IL15RA: variants seen among roughly 807,000 people sequenced by gnomAD.
IL15RA encodes the protein interleukin-15 receptor subunit alpha.
IL15RA carries 26 observed loss-of-function variants against 24.2 expected under a neutral mutation model. That is an observed-to-expected ratio of 1.07 (90% CI 0.79 to 1.49). The LOEUF is 1.49. Ranked by LOEUF, IL15RA falls within the 40% of genes most tolerant of loss-of-function variation. The pLI is 0.00. For missense variants in IL15RA, 354 were observed against 356.4 expected (o/e 0.99, Z 0.05); for synonymous variants, 166 against 157.6 (o/e 1.05, Z -0.40).
intron 1 of IL15RA, chr10:5,969,054 A>G: frequency 8.0e-7 from 1 of 1,249,366 alleles, no homozygotes; most frequent in Non-Finnish European, 1.1e-6. Flanking sequence ...CTGACTCACC[A>G]ATCGATTCCA....
At position 5,965,430 on chromosome 10, in the gene IL15RA, G is replaced by A. The variant is rs1000853898; in HGVS notation, c.283+715C>T. 1.2e-4 allele frequency among the ~76,000 whole-genome samples: 19 copies of A among 152,208 alleles called. No individual in the cohort carries two copies. Among genetic ancestry groups the A allele is most frequent in the African/African-American group, 3.9e-4 (16 of 41,450 alleles). ...CACACTAGCGTGCTCATGAGTGCCC[G>A]CCCAGCTCTGCAGCCAAATTCTCCT... On this transcript the variant is annotated intron_variant, in intron 2 of 6. Coordinates refer to ENST00000379977, the MANE Select transcript of IL15RA (RefSeq NM_002189.4). The surrounding 1 kb of genome is among the most constrained non-coding windows in gnomAD (Gnocchi z 5.8).
At chr10:5,976,205 G>A (rs1455500588) in intron 1 of IL15RA, among the ~76,000 whole-genome samples, 1 of 150,494 alleles carries the variant, frequency 6.6e-6, no homozygotes, top group Non-Finnish European at 1.5e-5. Context: ...CTGCTTCTCA[G>A]ATGTGGGGGG....
At position 5,955,407 on chromosome 10, in the gene IL15RA, A is replaced by C. The variant is rs1333882971; in HGVS notation, c.692+972T>G. Among the ~76,000 whole-genome samples, 2 of 152,150 alleles carry C rather than the reference A, an allele frequency of 1.3e-5. No homozygotes were observed. Among genetic ancestry groups the C allele is most frequent in the African/African-American group, 4.8e-5 (2 of 41,414 alleles). ...AGCTACCGTGCCCAGCCAGGGTCAC[A>C]TAATTTTTATATTGATATCACATTT... is the stretch of plus-strand genomic sequence containing the variant. On this transcript the variant is annotated intron_variant, in intron 6 of 6. Coordinates refer to ENST00000379977, the MANE Select transcript of IL15RA (RefSeq NM_002189.4). The surrounding 1 kb of genome is among the most constrained non-coding windows in gnomAD (Gnocchi z 5.3).
chr10:5,950,047 G>T (rs772524079), downstream of IL15RA, among the ~76,000 whole-genome samples: 1 of 151,850 alleles, frequency 6.6e-6, no homozygotes, highest in Non-Finnish European at 1.5e-5. This position sits in a 1 kb window ranked among gnomAD's most constrained non-coding sequence, Gnocchi z 5.6. Context: ...AGTGAGCTGA[G>T]ATTGCACCAT....
In IL15RA at chr10:5,968,079, A is replaced by C. The variant is rs553205247; in HGVS notation, c.89-1740T>G. 3.3e-5 allele frequency among the ~76,000 whole-genome samples: 5 copies of C among 152,204 alleles called. No homozygotes were observed. In the East Asian group the frequency reaches 5.8e-4, roughly 18 times the overall value. On this transcript the variant is annotated intron_variant, in intron 1 of 6. Transcript: ENST00000379977. This position sits in a 1 kb window ranked among gnomAD's most constrained non-coding sequence, Gnocchi z 5.4. ...GTCTCAAACAAACAGAAAACCCCCC[A>C]AAAACCAACAAACCAACCAAACAAA...
chr10:5,958,347 C>T lies in IL15RA; in HGVS notation c.616+1407G>A, dbSNP rs1286999218. 2.2e-6 allele frequency: 1 copy of T among 449,592 alleles called. No individual in the cohort carries two copies. Among genetic ancestry groups the T allele is most frequent in the Non-Finnish European group, 4.5e-6 (1 of 224,008 alleles). 27.9% of individuals were successfully genotyped at this position (449,592 alleles called of 1,614,324 possible). On this transcript the variant is annotated intron_variant, in intron 5 of 6. Coordinates refer to ENST00000379977, the MANE Select transcript of IL15RA (RefSeq NM_002189.4). This position sits in a 1 kb window ranked among gnomAD's most constrained non-coding sequence, Gnocchi z 4.3. ...GGAAATCTGGTAGCAAGTGTTGCTT[C>T]CTTCCTGCAAGGGGATTTTTGAGTT...
chr10:5,970,736 A>ATTATTTTATTTTATTTTATTTTATT lies in IL15RA; in HGVS notation c.89-4422_89-4398dup, dbSNP rs55906065. Among the ~76,000 whole-genome samples the ATTATTTTATTTTATTTTATTTTATT allele has an allele frequency of 3.3e-4, 47 of 143,656 alleles. 1 individual carries two copies. Among genetic ancestry groups the ATTATTTTATTTTATTTTATTTTATT allele is most frequent in the African/African-American group, 1.1e-3 (44 of 38,460 alleles). The allele number at this position is 143,656 out of a possible 152,430, so 94.2% of individuals were successfully genotyped here. The stretch of plus-strand genomic sequence containing the variant: ...TAAAATGATTTTATTTTATTTCATT[A>ATTATTTTATTTTATTTTATTTTATT]TTATTTTATTTTATTTTATTTTATT... On this transcript the variant is annotated intron_variant, in intron 1 of 6. Transcript: ENST00000379977. This position sits in a 1 kb window ranked among gnomAD's most constrained non-coding sequence, Gnocchi z 4.1.
rs1478672504 is a variant in IL15RA, at chr10:5,968,539, A to G, written c.89-2200T>C. The G allele has an allele frequency of 7.4e-6, 4 of 538,302 alleles. No individual in the cohort carries two copies. The East Asian group carries it at 1.3e-4, about 17-fold the overall frequency. The allele number at this position is 538,302 out of a possible 1,614,324, so 33.3% of individuals were successfully genotyped here. On this transcript the variant is annotated intron_variant, in intron 1 of 6. Transcript: ENST00000379977. This position sits in a 1 kb window ranked among gnomAD's most constrained non-coding sequence, Gnocchi z 5.4. ...GCTAAGCTGATGGCGTGAGAGATGG[A>G]GTCGATCTCACAAGTTGTTGAGGTG... is the stretch of plus-strand genomic sequence containing the variant.
rs1277796777 is a variant in IL15RA at position 5,958,224 on chromosome 10, G to A, written c.616+1530C>T. On this transcript the variant is annotated intron_variant, in intron 5 of 6. Transcript: ENST00000379977. The surrounding 1 kb of genome is among the most constrained non-coding windows in gnomAD (Gnocchi z 4.3). ...GGATCTACAAGGTATACCAGCAAGT[G>A]GAAACAAACATGGTACAGAAAAGGA... 3 of 387,008 alleles carry A rather than the reference G, an allele frequency of 7.8e-6. No individual in the cohort carries two copies. Among genetic ancestry groups the A allele is most frequent in the African/African-American group, 2.2e-5 (1 of 44,828 alleles). The allele number at this position is 387,008 out of a possible 1,614,324, so 24.0% of individuals were successfully genotyped here.
rs1833997406 is a variant in IL15RA at position 5,952,826 on chromosome 10, T to G, written c.*269A>C. On this transcript the variant is annotated 3_prime_UTR_variant, in exon 7 of 7. Coordinates refer to ENST00000379977, the MANE Select transcript of IL15RA (RefSeq NM_002189.4). ...TCACACTGTAATGAAATAAAAATCC[T>G]GCTCAGAAGCCTTTGGTCTCTCCTG... 1.9e-6 allele frequency: 1 copy of G among 535,258 alleles called. No individual in the cohort carries two copies. The highest frequency in any genetic ancestry group is 2.7e-5 in the South Asian group (1 of 37,702). The allele number at this position is 535,258 out of a possible 1,614,324, so 33.2% of individuals were successfully genotyped here.
At chr10:5,976,285 A>G (rs7076858) in intron 1 of IL15RA, among the ~76,000 whole-genome samples, 140,156 of 144,134 alleles carry the variant, frequency 0.97, 68,137 homozygotes, top group Admixed American at 0.98. Flanking sequence ...TGGGGGTGGC[A>G]GAGGGTGGGG....
In IL15RA at chr10:5,961,633, G is replaced by A. The variant is rs183829502; in HGVS notation, c.383-1066C>T. On this transcript the variant is annotated intron_variant, in intron 3 of 6. Coordinates refer to ENST00000379977, the MANE Select transcript of IL15RA (RefSeq NM_002189.4). The surrounding 1 kb of genome is among the most constrained non-coding windows in gnomAD (Gnocchi z 5.2). ...AAGCGTCCTGATGAGCTTGCTCTCA[G>A]GAACAGAGGCTGCCTTGTGTTCAGC... Among the ~76,000 whole-genome samples the A allele has an allele frequency of 3.3e-5, 5 of 152,350 alleles. 1 individual carries two copies. The East Asian group carries it at 9.6e-4, about 29-fold the overall frequency.
chr10:5,957,150 G>A (rs751164422), intron 5 of IL15RA, among the ~76,000 whole-genome samples: 3 of 150,486 alleles, frequency 2.0e-5, no homozygotes, highest in Non-Finnish European at 4.4e-5. Context: ...CAGTAGAGAC[G>A]GGGTTTCACC....
intron 1 of IL15RA, among the ~76,000 whole-genome samples, chr10:5,972,370 T>A (rs533919564): frequency 6.6e-6 from 1 of 152,350 alleles, no homozygotes; most frequent in South Asian, 2.1e-4. Context: ...TTATTACTGT[T>A]ATTATTTTTA....
At chr10:5,972,769 A>T (rs1837823467) in intron 1 of IL15RA, among the ~76,000 whole-genome samples, 1 of 152,202 alleles carries the variant, frequency 6.6e-6, no homozygotes, top group Non-Finnish European at 1.5e-5. Flanking sequence ...TTATTTACTC[A>T]GTCCTCCGCT....
upstream of IL15RA, chr10:5,977,611 T>C: frequency 7.9e-7 from 1 of 1,259,548 alleles, no homozygotes; most frequent in Non-Finnish European, 1.0e-6. Flanking sequence ...CTTTCGCTTT[T>C]GCTTTGGCCC....
At chr10:5,957,736 C>T (rs1246172365) in intron 5 of IL15RA, among the ~76,000 whole-genome samples, 3 of 152,054 alleles carry the variant, frequency 2.0e-5, no homozygotes, top group East Asian at 1.9e-4. Flanking sequence ...GGATTTCAGG[C>T]GCCTGCCACC....
rs559899685 is a variant in IL15RA at position 5,962,059 on chromosome 10, A to G, written c.383-1492T>C. ...CTGACTGCACCATTGTGTCTCGACA[A>G]TGGCCATCGGACCAGGTATTGGGGA... On this transcript the variant is annotated intron_variant, in intron 3 of 6. Coordinates refer to ENST00000379977, the MANE Select transcript of IL15RA (RefSeq NM_002189.4). The surrounding 1 kb of genome is among the most constrained non-coding windows in gnomAD (Gnocchi z 5.2). 6.6e-6 allele frequency among the ~76,000 whole-genome samples: 1 copy of G among 152,292 alleles called. No homozygotes were observed. The highest frequency in any genetic ancestry group is 2.1e-4 in the South Asian group (1 of 4,820).
chr10:5,954,157 T>C (rs977864822), intron 6 of IL15RA, among the ~76,000 whole-genome samples: 1 of 149,820 alleles, frequency 6.7e-6, no homozygotes, highest in African/African-American at 2.5e-5. Context: ...TCATCAAATT[T>C]ACCAATTCTT....
Sources: allele counts gnomAD v4.1 joint callset (sites outside exome capture counted in the v4.1 genomes callset), GRCh38; gene constraint gnomAD v4.1.1; non-coding constraint Gnocchi (gnomAD v3.1); transcripts MANE v1.5; gene names NCBI Gene and HGNC (gene_info 2026-07-23, HGNC 2026-07-21).